FBXW8: variants seen among roughly 807,000 people sequenced by gnomAD.
FBXW8 encodes F-box and WD repeat domain containing 8.
A neutral mutation model predicts 65.3 loss-of-function variants in FBXW8; 57 were observed. That is an observed-to-expected ratio of 0.87 (90% CI 0.71 to 1.09). The LOEUF (loss-of-function observed/expected upper bound fraction) is 1.09, where lower values mean the gene tolerates loss of function less well. Ranked by LOEUF, FBXW8 falls within the 50% of genes least tolerant of loss-of-function variation. FBXW8 has a pLI of 0.00. For synonymous variants in FBXW8, 308 were observed against 330.2 expected (o/e 0.93, Z 0.73); for missense variants, 777 against 814.8 (o/e 0.95, Z 0.57).
intron 5 of FBXW8, among the ~76,000 whole-genome samples, chr12:116,972,686 G>T (rs1048484877): frequency 2.0e-5 from 3 of 152,156 alleles, no homozygotes; most frequent in Admixed American, 1.3e-4. Flanking sequence ...GAGAAGGAAG[G>T]CTCAAGTACG....
Position 117,029,913 on chromosome 12 carries a change from A to G in FBXW8, c.*1741A>G, listed in dbSNP as rs1362835016. On this transcript the variant is annotated 3_prime_UTR_variant, in exon 11 of 11. Transcript: ENST00000652555. Reference sequence around the variant, plus strand: ...GGTGTAAGTCACTGTACCCAGCCCAAAAGCAGTTTAAAAAAAAAAAAGACA... The same window carrying G: ...GGTGTAAGTCACTGTACCCAGCCCAGAAGCAGTTTAAAAAAAAAAAAGACA... 1 of 152,014 alleles carries G rather than the reference A, an allele frequency of 6.6e-6. No homozygotes were observed. Among genetic ancestry groups the G allele is most frequent in the East Asian group, 1.9e-4 (1 of 5,198 alleles). 9.4% of individuals were successfully genotyped at this position (152,014 alleles called of 1,614,324 possible). A position where few individuals can be genotyped will look rare whatever the true frequency, so the allele number is the denominator to read the frequency against.
intron 3 of FBXW8, among the ~76,000 whole-genome samples, chr12:116,946,759 G>A (rs1007530985): frequency 3.9e-5 from 6 of 151,992 alleles, no homozygotes; most frequent in Non-Finnish European, 5.9e-5. Context: ...CCTCTTGCCC[G>A]TGTGCCTGGG....
At chr12:116,985,477 T>C (rs754367178) in intron 6 of FBXW8, 75 bp downstream of exon 6, 1 of 1,417,284 alleles carries the variant, frequency 7.1e-7, no homozygotes, top group African/African-American at 1.4e-5. Context: ...GTACTAATGG[T>C]GTTGGTAACT....
At chr12:117,024,759 C>CT (rs1390038318) in intron 9 of FBXW8, among the ~76,000 whole-genome samples, 2 of 152,046 alleles carry the variant, frequency 1.3e-5, no homozygotes, top group Non-Finnish European at 2.9e-5. Context: ...GGCCCAGCTG[C>CT]TGTCCTCCAC....
intron 2 of FBXW8, among the ~76,000 whole-genome samples, chr12:116,939,244 A>G (rs562829070): frequency 1.2e-4 from 19 of 152,282 alleles, no homozygotes; most frequent in African/African-American, 4.3e-4. Context: ...TGCTCATTGG[A>G]GCATTTTGGA....
intron 7 of FBXW8, chr12:117,002,683 A>G (rs1046246591): frequency 6.6e-6 from 1 of 152,230 alleles, no homozygotes. Context: ...CAAAAATTAC[A>G]TCATATCGGA....
At chr12:116,954,160 T>G (rs1883489852) in intron 4 of FBXW8, among the ~76,000 whole-genome samples, 1 of 151,758 alleles carries the variant, frequency 6.6e-6, no homozygotes, top group Non-Finnish European at 1.5e-5. Flanking sequence ...AAAACCATGT[T>G]GTTTTGCAAC....
chr12:117,010,862 T>A (rs1953789505), intron 8 of FBXW8, among the ~76,000 whole-genome samples: 1 of 152,204 alleles, frequency 6.6e-6, no homozygotes, highest in African/African-American at 2.4e-5. Flanking sequence ...GTCAAGAGTG[T>A]ATTTCAGAAC....
chr12:116,998,948 A>C (rs1953444633), intron 7 of FBXW8, among the ~76,000 whole-genome samples: 1 of 152,170 alleles, frequency 6.6e-6, no homozygotes, highest in African/African-American at 2.4e-5. Context: ...GAGAACTTTC[A>C]CTTTTTATTC....
Position 116,945,357 on chromosome 12 carries a change from G to T in FBXW8, c.424-7G>T, listed in dbSNP as rs781295186. 13 of 1,607,912 alleles carry T rather than the reference G, an allele frequency of 8.1e-6. No homozygotes were observed. Among genetic ancestry groups the T allele is most frequent in the African/African-American group, 1.3e-5 (1 of 74,818 alleles). ...ATTTGACATTTGTGTCACTTCTGCTGTTTTAGGTGAGCAAGACGTGGAAGG... is the reference window on the plus strand; with the variant it reads ...ATTTGACATTTGTGTCACTTCTGCTTTTTTAGGTGAGCAAGACGTGGAAGG... On this transcript the variant is annotated splice_polypyrimidine_tract_variant and splice_region_variant and intron_variant, in intron 2 of 10. Transcript: ENST00000652555.
In FBXW8 at chr12:117,028,255, G is replaced by C. The variant is rs1337520089; in HGVS notation, c.*83G>C. 1 of 1,537,014 alleles carries C rather than the reference G, an allele frequency of 6.5e-7. No individual in the cohort carries two copies. Among genetic ancestry groups the C allele is most frequent in the Non-Finnish European group, 8.8e-7 (1 of 1,132,702 alleles). On this transcript the variant is annotated 3_prime_UTR_variant, in exon 11 of 11. Transcript: ENST00000652555. The surrounding 1 kb of genome is among the most constrained non-coding windows in gnomAD (Gnocchi z 4.1). ...TAAAACGCCAGGCACCTCTTCACAG[G>C]TGGTAAACATTTAGGGGAAGAAAGC...
At chr12:116,964,082 A>G (rs967724538) in intron 4 of FBXW8, among the ~76,000 whole-genome samples, 2 of 152,100 alleles carry the variant, frequency 1.3e-5, no homozygotes, top group Non-Finnish European at 2.9e-5. Context: ...GAGTACTTCT[A>G]TTTTCTAAGT....
chr12:116,921,570 T>A (rs1301020682), intron 1 of FBXW8, among the ~76,000 whole-genome samples: 1 of 152,174 alleles, frequency 6.6e-6, no homozygotes, highest in East Asian at 1.9e-4. Flanking sequence ...GCTCTTTGAG[T>A]GTAGACCATT....
intron 1 of FBXW8, among the ~76,000 whole-genome samples, chr12:116,926,270 C>T (rs1006962712): frequency 3.9e-5 from 6 of 152,160 alleles, no homozygotes; most frequent in African/African-American, 1.2e-4. Flanking sequence ...TCAATGAATG[C>T]GGGCTTTTCC....
In FBXW8 at chr12:116,911,335, G is replaced by T; in HGVS notation, c.298G>T (p.Asp100Tyr). 1 of 1,283,504 alleles carries T rather than the reference G, an allele frequency of 7.8e-7. No individual in the cohort carries two copies. The highest frequency in any genetic ancestry group is 2.7e-5 in the South Asian group (1 of 37,058). The allele number at this position is 1,283,504 out of a possible 1,614,324, so 79.5% of individuals were successfully genotyped here. Residue 100 changes from aspartate to tyrosine, a missense_variant, in exon 1 of 11, where the codon GAC becomes TAC. Coordinates refer to ENST00000652555, the MANE Select transcript of FBXW8 (RefSeq NM_153348.3). ...CGCCGGGGGCGGGGAGCAGCTGGTGGACCAGCTCATCCGCGACCTGGTGAG... is the reference window on the plus strand; with the variant it reads ...CGCCGGGGGCGGGGAGCAGCTGGTGTACCAGCTCATCCGCGACCTGGTGAG... ...EGAGGGEQLVDQLIRDLNEMN... is the reference protein window; with the variant it reads ...EGAGGGEQLVYQLIRDLNEMN...
At chr12:116,982,418 A>G (rs1330407247) in intron 5 of FBXW8, among the ~76,000 whole-genome samples, 2 of 152,202 alleles carry the variant, frequency 1.3e-5, no homozygotes, top group African/African-American at 2.4e-5. Flanking sequence ...TAAAGAATCA[A>G]CTCATCAAGA....
intron 3 of FBXW8, among the ~76,000 whole-genome samples, chr12:116,946,464 T>C (rs1264188278): frequency 6.6e-6 from 1 of 152,180 alleles, no homozygotes; most frequent in Non-Finnish European, 1.5e-5. Flanking sequence ...GGCTGTCCTG[T>C]GCATTGCAGG....
chr12:117,019,268 T>C (rs944794406), intron 8 of FBXW8, among the ~76,000 whole-genome samples: 8 of 152,228 alleles, frequency 5.3e-5, no homozygotes, highest in African/African-American at 1.7e-4. Flanking sequence ...GGACTTGTTA[T>C]GGATCTCAGA....
chr12:116,947,813 C>T (rs1353587990), intron 3 of FBXW8, among the ~76,000 whole-genome samples: 14 of 151,790 alleles, frequency 9.2e-5, no homozygotes, highest in Non-Finnish European at 2.1e-4. Context: ...TTTTGTCTGC[C>T]TCCATTTTCT....
Sources: allele counts gnomAD v4.1 joint callset (sites outside exome capture counted in the v4.1 genomes callset), GRCh38; gene constraint gnomAD v4.1.1; non-coding constraint Gnocchi (gnomAD v3.1); transcripts MANE v1.5; gene names NCBI Gene and HGNC (gene_info 2026-07-23, HGNC 2026-07-21).